DLGAP3: variants seen among roughly 807,000 people sequenced by gnomAD.
DLGAP3 encodes disks large-associated protein 3.
DLGAP3 carries 17 observed loss-of-function variants against 81.2 expected under a neutral mutation model. The ratio of observed to expected loss-of-function variants is 0.21; its 90% confidence interval spans 0.14 to 0.31. The LOEUF (loss-of-function observed/expected upper bound fraction) is 0.31. Ranked by LOEUF, DLGAP3 falls within the 10% of genes least tolerant of loss-of-function variation. The pLI, the probability that DLGAP3 is intolerant of heterozygous loss-of-function variation, is 1.00. For synonymous variants in DLGAP3, 577 were observed against 587.4 expected (o/e 0.98, Z 0.26); for missense variants, 1,124 against 1,388.0 (o/e 0.81, Z 3.02).
chr1:34,899,973 G>A, intron 4 of DLGAP3, 95 bp downstream of exon 4: 2 of 1,146,190 alleles, frequency 1.7e-6, no homozygotes, highest in Non-Finnish European at 2.5e-6. Flanking sequence ...AACCTAAGCA[G>A]GACTACCTGA....
intron 5 of DLGAP3, among the ~76,000 whole-genome samples, chr1:34,894,559 A>G (rs757134874): frequency 7.9e-5 from 12 of 152,258 alleles, no homozygotes; most frequent in Non-Finnish European, 1.8e-4. Flanking sequence ...CTTAACGGCA[A>G]CAACAGACAG....
At chr1:34,913,763 T>C (rs1337223380) in intron 1 of DLGAP3, among the ~76,000 whole-genome samples, 1 of 152,102 alleles carries the variant, frequency 6.6e-6, no homozygotes, top group Non-Finnish European at 1.5e-5. Context: ...CCCACTCTGC[T>C]CCTATGTACA....
chr1:34,866,099 G>A lies in DLGAP3; in HGVS notation c.2924C>T (p.Ala975Val). 1 of 1,599,456 alleles carries A rather than the reference G, an allele frequency of 6.3e-7. No individual in the cohort carries two copies. The highest frequency in any genetic ancestry group is 8.5e-7 in the Non-Finnish European group (1 of 1,179,092). Residue 975 changes from alanine (A) to valine (V), a missense_variant, in exon 12 of 12, where the codon GCC (alanine) becomes GTC (valine). Ala to Val is a moderately conservative substitution (Grantham distance 64, BLOSUM62 0). Around this residue, in one of 9 missense-constraint regions of DLGAP3, gnomAD observed 133 missense variants for 171.1 expected, o/e 0.78. Coordinates refer to ENST00000373347, the MANE Select transcript of DLGAP3 (RefSeq NM_001080418.3). ...CCGGACCGGTCACAGCCTGGTCTGGGCCTCGGGGATGTAGATCTCGATGCT... is the reference window on the plus strand; with the variant it reads ...CCGGACCGGTCACAGCCTGGTCTGGACCTCGGGGATGTAGATCTCGATGCT... ...ADSIEIYIPE[A>V]QTRL
chr1:34,866,329 G>A, intron 11 of DLGAP3, 28 bp from the exon 12 acceptor site: 1 of 1,487,534 alleles, frequency 6.7e-7, no homozygotes, highest in Non-Finnish European at 9.0e-7. Context: ...TCGCTGAGCT[G>A]GGGCGCCGAA....
rs752531018 is a variant in DLGAP3 at position 34,866,185 on chromosome 1, C to G, written c.2838G>C (p.Arg946=). The change falls in exon 12 of 12, where the codon CGG becomes CGC. Residue 946 remains arginine, a synonymous_variant. Coordinates refer to ENST00000373347, the MANE Select transcript of DLGAP3 (RefSeq NM_001080418.3). ...AAGCGGCGCGCTTGGCCGCCAGGAG[C>G]CGCTTGCGCGCTTCCTGCCGCTGCC... ...VDRQRQEARK[R]LLAAKRAASF... is the part of the protein sequence containing the mutation. 7 of 1,594,046 alleles carry G rather than the reference C, an allele frequency of 4.4e-6. No homozygotes were observed. Among genetic ancestry groups the G allele is most frequent in the Non-Finnish European group, 5.9e-6 (7 of 1,176,624 alleles).
At chr1:34,918,094 A>AG (rs1325562029) in intron 1 of DLGAP3, among the ~76,000 whole-genome samples, 5 of 152,270 alleles carry the variant, frequency 3.3e-5, no homozygotes, top group South Asian at 2.1e-4. Context: ...GAACCCTCAG[A>AG]GGGGGGGTCT....
At chr1:34,897,345 T>C (rs1257257531) in intron 5 of DLGAP3, among the ~76,000 whole-genome samples, 2 of 151,870 alleles carry the variant, frequency 1.3e-5, no homozygotes, top group Admixed American at 1.3e-4. Context: ...GGAAGGGGAA[T>C]AGGAAATGTT....
intron 5 of DLGAP3, among the ~76,000 whole-genome samples, chr1:34,894,126 T>C (rs1043793964): frequency 1.3e-5 from 2 of 152,162 alleles, no homozygotes; most frequent in Admixed American, 1.3e-4. Flanking sequence ...AGGTCAAGGC[T>C]GCAGTGAGCC....
intron 2 of DLGAP3, among the ~76,000 whole-genome samples, chr1:34,905,816 C>A (rs112271788): frequency 1.2e-4 from 18 of 151,826 alleles, no homozygotes; most frequent in African/African-American, 3.9e-4. Flanking sequence ...TCAACCTGGG[C>A]AACCAAGCAA....
At chr1:34,920,468 A>G (rs1639780351) in intron 1 of DLGAP3, among the ~76,000 whole-genome samples, 1 of 152,212 alleles carries the variant, frequency 6.6e-6, no homozygotes, top group Admixed American at 6.5e-5. Context: ...AGACACTTTT[A>G]CTTTCCTCCT....
At chr1:34,890,641 T>C (rs1639297010) in intron 5 of DLGAP3, among the ~76,000 whole-genome samples, 1 of 152,200 alleles carries the variant, frequency 6.6e-6, no homozygotes, top group African/African-American at 2.4e-5. Context: ...ATAGAAGAAA[T>C]TGATGTCCCT....
intron 2 of DLGAP3, among the ~76,000 whole-genome samples, chr1:34,906,716 C>A (rs1313966929): frequency 1.3e-5 from 2 of 152,170 alleles, no homozygotes; most frequent in African/African-American, 4.8e-5. Flanking sequence ...GGGATTGGAA[C>A]CCAGGAGTTC....
At position 34,886,136 on chromosome 1, in the gene DLGAP3, A is replaced by G; in HGVS notation, c.1536T>C (p.Ser512=). Residue 512 remains serine (S), a synonymous_variant, in exon 6 of 12, where the codon TCT becomes TCC. Transcript: ENST00000373347. ...SYLRAIQAGC[S]QDDDCLPLLA... The stretch of plus-strand genomic sequence containing the variant: ...GGAGGGGCAGGCAGTCGTCGTCTTG[A>G]GAGCAGCCGGCCTGGATGGCCCGGA... 1 of 1,608,426 alleles carries G rather than the reference A, an allele frequency of 6.2e-7. No homozygotes were observed. The highest frequency in any genetic ancestry group is 8.5e-7 in the Non-Finnish European group (1 of 1,178,426).
intron 1 of DLGAP3, 109 bp from the exon 2 acceptor site, chr1:34,907,546 C>G (rs1286032173): frequency 6.6e-6 from 1 of 152,656 alleles, no homozygotes; most frequent in Non-Finnish European, 1.5e-5. Context: ...TCCCCCAAAC[C>G]AGGACTGATT....
chr1:34,888,825 G>A (rs532683953), intron 5 of DLGAP3, among the ~76,000 whole-genome samples: 76 of 152,278 alleles, frequency 5.0e-4, no homozygotes, highest in African/African-American at 1.7e-3. Context: ...AGTTGCCAGC[G>A]TATTTCCTAA....
At chr1:34,919,159 G>A (rs1343839217) in intron 1 of DLGAP3, among the ~76,000 whole-genome samples, 2 of 152,142 alleles carry the variant, frequency 1.3e-5, no homozygotes, top group African/African-American at 2.4e-5. Flanking sequence ...AGAGGCAAGA[G>A]GCCCCCCTTC....
rs554115570 is a variant in DLGAP3 at position 34,913,699 on chromosome 1, C to T, written c.-134-6262G>A. On this transcript the variant is annotated intron_variant, in intron 1 of 11. Transcript: ENST00000373347. ...GTCTAGAACAATGCCTGCCACTAAA[C>T]GGTGTTCAAAAAATACCTATTCTGT... 2.5e-4 allele frequency among the ~76,000 whole-genome samples: 38 copies of T among 152,250 alleles called. 1 individual carries two copies. Among genetic ancestry groups the T allele is most frequent in the African/African-American group, 8.4e-4 (35 of 41,548 alleles).
chr1:34,929,591 C>T lies in DLGAP3; in HGVS notation c.-275G>A, dbSNP rs1194331476. ...GAGGGGCCGCGCCGGCTGCGGAGCC[C>T]CAAGCGAGCGCCGAGCGGCAGCGGG... On this transcript the variant is annotated 5_prime_UTR_variant, in exon 1 of 12. Transcript: ENST00000373347. The surrounding 1 kb of genome is among the most constrained non-coding windows in gnomAD (Gnocchi z 6.5). 1 of 150,554 alleles carries T rather than the reference C, an allele frequency of 6.6e-6. No individual in the cohort carries two copies. Among genetic ancestry groups the T allele is most frequent in the Non-Finnish European group, 1.5e-5 (1 of 67,522 alleles). 9.3% of individuals were successfully genotyped at this position (150,554 alleles called of 1,614,324 possible). A position where few individuals can be genotyped will look rare whatever the true frequency, so the allele number is the denominator to read the frequency against.
intron 1 of DLGAP3, among the ~76,000 whole-genome samples, chr1:34,912,955 G>A (rs1394153241): frequency 6.6e-6 from 1 of 152,156 alleles, no homozygotes; most frequent in South Asian, 2.1e-4. Context: ...CACTGGCTTT[G>A]CCCAGATGCC....
Sources: gnomAD v4.1 joint callset for allele counts (sites outside exome capture counted in the v4.1 genomes callset) on GRCh38, gnomAD v4.1.1 for gene constraint, gnomAD v4.1.1 regional missense constraint, Gnocchi (gnomAD v3.1) non-coding constraint, MANE v1.5 for transcripts, NCBI Gene and HGNC (gene_info 2026-07-23, HGNC 2026-07-21) for gene names.